SLC30A8: variants seen among roughly 807,000 people sequenced by gnomAD.
The protein encoded by SLC30A8 is proton-coupled zinc antiporter SLC30A8.
SLC30A8 carries 27 observed loss-of-function variants against 36.9 expected under a neutral mutation model. The ratio of observed to expected loss-of-function variants is 0.73; its 90% CI spans 0.54 to 1.01. The LOEUF is 1.01. SLC30A8 is among the 50% of genes least tolerant of loss of function. The pLI is 0.00. For synonymous variants in SLC30A8, 164 were observed against 172.4 expected, an observed-to-expected ratio of 0.95 and a Z score of 0.38; for missense variants, 439 against 452.0, an observed-to-expected ratio of 0.97 and a Z score of 0.26.
intron 2 of SLC30A8, among the ~76,000 whole-genome samples, chr8:117,085,780 C>T (rs1318918736): frequency 6.6e-6 from 1 of 152,122 alleles, no homozygotes; most frequent in Non-Finnish European, 1.5e-5. Flanking sequence ...CAAAGTAATA[C>T]AAGCTAATAA....
At chr8:117,131,000 A>G (rs1263848998), upstream of SLC30A8, among the ~76,000 whole-genome samples, 3 of 152,006 alleles carry the variant, frequency 2.0e-5, no homozygotes, top group Non-Finnish European at 2.9e-5. Flanking sequence ...TAGTATCAAT[A>G]TTTTATCAAG....
rs1823463849 is a variant in SLC30A8 at position 117,172,913 on chromosome 8, A to G, written c.*232A>G. Reference sequence around the variant, plus strand: ...GCTGTGTTCAATTGCAGGAATGTGTATATAGATTATTCCTGAGTGGAGCCG... The same window carrying G: ...GCTGTGTTCAATTGCAGGAATGTGTGTATAGATTATTCCTGAGTGGAGCCG... On this transcript the variant is annotated 3_prime_UTR_variant, in exon 8 of 8. Coordinates refer to ENST00000456015, the MANE Select transcript of SLC30A8 (RefSeq NM_173851.3). 1.8e-6 allele frequency: 1 copy of G among 541,586 alleles called. No homozygotes were observed. The highest frequency in any genetic ancestry group is 1.9e-5 in the African/African-American group (1 of 52,780). 33.5% of individuals were successfully genotyped at this position (541,586 alleles called of 1,614,324 possible). A position where few individuals can be genotyped will look rare whatever the true frequency, so the allele number is the denominator to read the frequency against.
chr8:117,065,041 CTG>C (rs1818127739), intron 2 of SLC30A8, among the ~76,000 whole-genome samples: 1 of 152,178 alleles, frequency 6.6e-6, no homozygotes, highest in Admixed American at 6.5e-5. Flanking sequence ...TTTGACCTCA[CTG>C]TGTTAATCAT....
At chr8:117,024,959 C>G (rs925315394) in intron 1 of SLC30A8, among the ~76,000 whole-genome samples, 12 of 152,166 alleles carry the variant, frequency 7.9e-5, no homozygotes, top group Non-Finnish European at 1.5e-4. Flanking sequence ...GATACTCTCT[C>G]TTTCCCCATC....
chr8:117,076,773 T>TAC (rs1198586388), intron 2 of SLC30A8, among the ~76,000 whole-genome samples: 17 of 151,912 alleles, frequency 1.1e-4, no homozygotes, highest in Non-Finnish European at 2.4e-4. Flanking sequence ...AATAGTCATT[T>TAC]TTTTTTTTTG....
At chr8:117,079,761 C>G (rs1286498224) in intron 2 of SLC30A8, among the ~76,000 whole-genome samples, 1 of 152,188 alleles carries the variant, frequency 6.6e-6, no homozygotes, top group Admixed American at 6.5e-5. Flanking sequence ...AGGAACAGAT[C>G]TAAAACAGCT....
intron 1 of SLC30A8, among the ~76,000 whole-genome samples, chr8:116,991,021 A>G (rs1199568971): frequency 6.6e-6 from 1 of 152,162 alleles, no homozygotes; most frequent in African/African-American, 2.4e-5. Flanking sequence ...TGGAATAAGA[A>G]CATTTATCTG....
At chr8:117,046,696 G>A (rs1417586219) in intron 2 of SLC30A8, among the ~76,000 whole-genome samples, 3 of 152,182 alleles carry the variant, frequency 2.0e-5, no homozygotes, top group African/African-American at 7.2e-5. Flanking sequence ...GAACTAAGAC[G>A]AAGCTGTGTC....
intron 1 of SLC30A8, 79 bp downstream of exon 1, chr8:117,135,477 G>A (rs758883887): frequency 5.0e-6 from 6 of 1,191,286 alleles, no homozygotes; most frequent in Non-Finnish European, 5.9e-6. Context: ...CTTCTGAATT[G>A]TAGGCCTTTA....
intron 2 of SLC30A8, among the ~76,000 whole-genome samples, chr8:117,149,324 A>G (rs1822057829): frequency 6.6e-6 from 1 of 152,064 alleles, no homozygotes; most frequent in African/African-American, 2.4e-5. Context: ...TGATCTTTGC[A>G]TTTTTGGCAT....
At chr8:116,993,266 T>C (rs1353896239) in intron 1 of SLC30A8, among the ~76,000 whole-genome samples, 2 of 151,142 alleles carry the variant, frequency 1.3e-5, no homozygotes, top group Non-Finnish European at 2.9e-5. Context: ...CAGGAAACCC[T>C]AAAAAATTTT....
chr8:117,063,979 T>C (rs1818094918), intron 2 of SLC30A8, among the ~76,000 whole-genome samples: 1 of 151,930 alleles, frequency 6.6e-6, no homozygotes. Context: ...CACCAACCTG[T>C]GGTGGCTACC....
chr8:117,116,827 T>A (rs1820464201), intron 2 of SLC30A8, among the ~76,000 whole-genome samples: 1 of 152,060 alleles, frequency 6.6e-6, no homozygotes, highest in South Asian at 2.1e-4. Context: ...TTGCTAAGAA[T>A]GTGCATTTGA....
intron 6 of SLC30A8, chr8:117,164,083 A>G (rs1822933144): frequency 6.6e-6 from 1 of 152,360 alleles, no homozygotes; most frequent in Admixed American, 6.6e-5. Context: ...ACTAAGGTCA[A>G]CATCAGTACG....
At chr8:116,973,254 A>G (rs1018596399) in intron 1 of SLC30A8, among the ~76,000 whole-genome samples, 1 of 152,214 alleles carries the variant, frequency 6.6e-6, no homozygotes, top group Non-Finnish European at 1.5e-5. Context: ...ATTTTGTTGT[A>G]GCTGCTCAAA....
chr8:117,160,443 A>G (rs10550563), intron 4 of SLC30A8, among the ~76,000 whole-genome samples: 38,906 of 129,712 alleles, frequency 0.3, 5,314 homozygotes, highest in African/African-American at 0.48. Flanking sequence ...GTGCGCGCAC[A>G]TGTGCGCGCG....
chr8:116,957,902 A>G lies in SLC30A8; in HGVS notation c.-266+6783A>G, dbSNP rs112693172. Among the ~76,000 whole-genome samples the G allele has an allele frequency of 9.8e-4, 149 of 152,266 alleles. 1 individual carries two copies. The highest frequency in any genetic ancestry group is 3.2e-3 in the African/African-American group (133 of 41,548). The stretch of plus-strand genomic sequence containing the variant: ...TTCCCTTCATGGTCTTTTTCTTACC[A>G]TGGTGAACATCCAGTCTACAGCACC... On this transcript the variant is annotated intron_variant, in intron 1 of 10. Transcript: ENST00000427715.
chr8:117,032,974 C>G (rs1198200550), intron 1 of SLC30A8, among the ~76,000 whole-genome samples: 2 of 152,044 alleles, frequency 1.3e-5, no homozygotes, highest in Admixed American at 1.3e-4. Context: ...CCTGCTGTAG[C>G]TAATGTCAGA....
intron 2 of SLC30A8, among the ~76,000 whole-genome samples, chr8:117,116,293 T>G (rs1245579049): frequency 6.6e-6 from 1 of 152,046 alleles, no homozygotes; most frequent in African/African-American, 2.4e-5. Context: ...TTTCATGTTT[T>G]GATCTAAAAA....
Sources: gnomAD v4.1 joint callset for allele counts (sites outside exome capture counted in the v4.1 genomes callset) on GRCh38, gnomAD v4.1.1 for gene constraint, MANE v1.5 for transcripts, NCBI Gene and HGNC (gene_info 2026-07-23, HGNC 2026-07-21) for gene names.